Variants in CAST observed in about 807,000 individuals in gnomAD.
The protein encoded by CAST is MIR583 host.
A neutral mutation model predicts 119.6 loss-of-function variants in CAST; 76 were observed. That is an observed-to-expected ratio of 0.64 (90% CI 0.53 to 0.77). CAST has a LOEUF of 0.77. CAST is among the 30% of genes least tolerant of loss of function. The pLI, the probability that CAST is intolerant of heterozygous loss-of-function variation, is 0.00. For synonymous variants in CAST, 319 were observed against 331.6 expected (o/e 0.96, Z 0.41); for missense variants, 953 against 946.5 (o/e 1.01, Z -0.09).
chr5:96,502,653 T>TTTCTTTCC, the CAST span, among the ~76,000 whole-genome samples: 1 of 124,418 alleles, frequency 8.0e-6, no homozygotes, highest in Admixed American at 8.1e-5. Context: ...TCTTTCTTTC[T>TTTCTTTCC]TTCTTTCTTT....
intron 1 of CAST, among the ~76,000 whole-genome samples, chr5:96,621,150 A>G (rs1305933144): frequency 6.6e-6 from 1 of 152,206 alleles, no homozygotes; most frequent in African/African-American, 2.4e-5. Context: ...GATTTAAAAG[A>G]GACTCCTGTA....
At chr5:96,624,057 C>T (rs1438316676) in intron 1 of CAST, among the ~76,000 whole-genome samples, 1 of 152,192 alleles carries the variant, frequency 6.6e-6, no homozygotes. Flanking sequence ...ATCTAAGTAG[C>T]ACTCAAAGTG....
chr5:96,059,420 A>G, the CAST span, among the ~76,000 whole-genome samples: 2 of 152,290 alleles, frequency 1.3e-5, no homozygotes, highest in East Asian at 1.9e-4. Context: ...GTCCCCTGCA[A>G]TAATAGCACG....
the CAST span, among the ~76,000 whole-genome samples, chr5:96,263,602 T>TAGAGAGAGAG: frequency 6.9e-6 from 1 of 145,952 alleles, no homozygotes; most frequent in African/African-American, 2.5e-5. Flanking sequence ...GATAGCAAAT[T>TAGAGAGAGAG]AGAGAGAGAG....
chr5:96,428,573 C>T, the CAST span, among the ~76,000 whole-genome samples: 13 of 152,114 alleles, frequency 8.5e-5, no homozygotes, highest in African/African-American at 3.1e-4. Flanking sequence ...TCTGCTGTAA[C>T]CTAATCATTG....
At chr5:96,336,286 T>C in the CAST span, among the ~76,000 whole-genome samples, 1 of 152,342 alleles carries the variant, frequency 6.6e-6, no homozygotes, top group Non-Finnish European at 1.5e-5. Context: ...AATAAATATG[T>C]TTTACTCCAG....
chr5:96,174,615 C>T, the CAST span, among the ~76,000 whole-genome samples: 1 of 152,162 alleles, frequency 6.6e-6, no homozygotes, highest in African/African-American at 2.4e-5. Context: ...AATATTGGCA[C>T]TGTTTTTTTG....
At chr5:96,440,867 G>A in the CAST span, among the ~76,000 whole-genome samples, 1 of 152,192 alleles carries the variant, frequency 6.6e-6, no homozygotes, top group Non-Finnish European at 1.5e-5. Context: ...GTCGATGGAA[G>A]AACTGACACT....
At chr5:96,210,244 T>C in the CAST span, 1 of 152,028 alleles carries the variant, frequency 6.6e-6, no homozygotes, top group African/African-American at 2.4e-5. Context: ...AAGAATTCTT[T>C]GCCTACAACT....
At chr5:96,118,046 G>A in the CAST span, among the ~76,000 whole-genome samples, 1 of 152,148 alleles carries the variant, frequency 6.6e-6, no homozygotes, top group Non-Finnish European at 1.5e-5. Flanking sequence ...AACTTAATAA[G>A]GATACGTTTG....
chr5:96,358,773 A>G, the CAST span, among the ~76,000 whole-genome samples: 8 of 152,120 alleles, frequency 5.3e-5, no homozygotes, highest in African/African-American at 1.9e-4. Context: ...TTTTAGAATA[A>G]GTATGATGTG....
the CAST span, among the ~76,000 whole-genome samples, chr5:96,001,576 TAA>T: frequency 1.3e-5 from 2 of 152,348 alleles, no homozygotes; most frequent in Non-Finnish European, 2.9e-5. Context: ...TGGGACTGTA[TAA>T]AGAACTTGGC....
upstream of CAST, among the ~76,000 whole-genome samples, chr5:96,526,688 C>T (rs913343047): frequency 2.6e-5 from 4 of 152,164 alleles, no homozygotes; most frequent in Non-Finnish European, 5.9e-5. Context: ...GTGAAGCATT[C>T]TCAGAAAGGC....
At chr5:96,166,478 C>T in the CAST span, among the ~76,000 whole-genome samples, 6 of 152,236 alleles carry the variant, frequency 3.9e-5, no homozygotes, top group East Asian at 7.7e-4. Context: ...GCTCACATCT[C>T]GGTTTCTGTG....
the CAST span, among the ~76,000 whole-genome samples, chr5:96,106,377 T>G: frequency 1.3e-5 from 2 of 152,238 alleles, no homozygotes; most frequent in African/African-American, 2.4e-5. Flanking sequence ...TAAATTTCCC[T>G]CTACACACTG....
chr5:96,039,537 A>G, the CAST span, among the ~76,000 whole-genome samples: 1 of 151,906 alleles, frequency 6.6e-6, no homozygotes, highest in Non-Finnish European at 1.5e-5. Flanking sequence ...ATCCATCTTG[A>G]GTGATTTTTG....
At chr5:96,704,863 T>C (rs1273593004) in intron 3 of CAST, among the ~76,000 whole-genome samples, 1 of 152,224 alleles carries the variant, frequency 6.6e-6, no homozygotes, top group East Asian at 1.9e-4. Flanking sequence ...AATGTCATCT[T>C]AATGTTTCTC....
the CAST span, among the ~76,000 whole-genome samples, chr5:96,121,165 A>G: frequency 1.3e-5 from 2 of 152,164 alleles, no homozygotes; most frequent in African/African-American, 2.4e-5. Context: ...GTAAGCTTCA[A>G]AAGGGCGTAG....
the CAST span, among the ~76,000 whole-genome samples, chr5:96,103,173 ATAT>A: frequency 3.9e-5 from 6 of 152,172 alleles, no homozygotes; most frequent in Admixed American, 3.9e-4. Flanking sequence ...ATGATTAAAC[ATAT>A]TATCAAGGAT....
Sources: gnomAD v4.1 joint callset for allele counts (sites outside exome capture counted in the v4.1 genomes callset) on GRCh38, gnomAD v4.1.1 for gene constraint, MANE v1.5 for transcripts, NCBI Gene and HGNC (gene_info 2026-07-23, HGNC 2026-07-21) for gene names.